PRKG1: variants seen among roughly 807,000 people sequenced by gnomAD.
The protein encoded by PRKG1 is protein kinase cGMP-dependent 1.
Under a neutral mutation model 88.1 loss-of-function variants are expected in PRKG1, and 35 were observed. The observed-to-expected ratio is 0.40, with a 90% CI of 0.30 to 0.53. The LOEUF (loss-of-function observed/expected upper bound fraction) is 0.53, where lower values mean the gene tolerates loss of function less well. Ranked by LOEUF, PRKG1 falls within the 20% of genes least tolerant of loss-of-function variation. The pLI, the probability that PRKG1 is intolerant of heterozygous loss-of-function variation, is 0.59. For synonymous variants in PRKG1, 303 were observed against 292.5 expected, an observed-to-expected ratio of 1.04 and a Z score of -0.37; for missense variants, 540 against 839.8, an observed-to-expected ratio of 0.64 and a Z score of 4.41.
intron 2 of PRKG1, among the ~76,000 whole-genome samples, chr10:51,209,449 A>G (rs1187077174): frequency 3.3e-5 from 5 of 152,184 alleles, no homozygotes; most frequent in Non-Finnish European, 7.4e-5. Context: ...GTAAAATAAT[A>G]TAATGTGTAA....
At chr10:52,107,405 A>T (rs1847452598) in intron 7 of PRKG1, among the ~76,000 whole-genome samples, 1 of 152,156 alleles carries the variant, frequency 6.6e-6, no homozygotes, top group Non-Finnish European at 1.5e-5. Context: ...TAAATTATTA[A>T]TTTAAATATT....
At chr10:52,283,183 G>T (rs1242268180) in intron 14 of PRKG1, among the ~76,000 whole-genome samples, 1 of 152,110 alleles carries the variant, frequency 6.6e-6, no homozygotes. Flanking sequence ...AGTGATGTGT[G>T]TTGTGGTATT....
At chr10:51,575,515 T>G (rs1021311430) in intron 3 of PRKG1, among the ~76,000 whole-genome samples, 1 of 152,002 alleles carries the variant, frequency 6.6e-6, no homozygotes, top group Non-Finnish European at 1.5e-5. Flanking sequence ...TGGGTTGATT[T>G]AACTTCATCG....
At chr10:51,008,200 T>C (rs1167256915) in intron 1 of PRKG1, among the ~76,000 whole-genome samples, 1 of 152,222 alleles carries the variant, frequency 6.6e-6, no homozygotes, top group Non-Finnish European at 1.5e-5. Flanking sequence ...TGAAGACTCC[T>C]AGGCCCATCT....
intron 3 of PRKG1, among the ~76,000 whole-genome samples, chr10:51,768,173 A>G (rs946210818): frequency 6.6e-6 from 1 of 152,150 alleles, no homozygotes; most frequent in East Asian, 1.9e-4. Flanking sequence ...CAGGGGAAAA[A>G]TATCAGATTT....
chr10:52,099,481 A>G (rs1847247628), intron 7 of PRKG1, among the ~76,000 whole-genome samples: 1 of 152,208 alleles, frequency 6.6e-6, no homozygotes, highest in Non-Finnish European at 1.5e-5. Context: ...TATGTCACAC[A>G]GTATTTTGAC....
intron 3 of PRKG1, among the ~76,000 whole-genome samples, chr10:51,788,818 C>A (rs1838794955): frequency 6.6e-6 from 1 of 152,100 alleles, no homozygotes; most frequent in Non-Finnish European, 1.5e-5. Context: ...GTGAGCTCTG[C>A]AGGAGAGTTA....
chr10:51,609,829 G>T (rs148425629), intron 3 of PRKG1, among the ~76,000 whole-genome samples: 48 of 152,144 alleles, frequency 3.2e-4, no homozygotes, highest in African/African-American at 1.1e-3. Context: ...ACACACTGGG[G>T]CCTGTCAGGG....
chr10:51,884,375 G>A (rs1841512828), intron 4 of PRKG1, among the ~76,000 whole-genome samples: 1 of 139,136 alleles, frequency 7.2e-6, no homozygotes, highest in Non-Finnish European at 1.5e-5. Flanking sequence ...AACCCGGGAG[G>A]CGGAGCTTGC....
intron 5 of PRKG1, among the ~76,000 whole-genome samples, chr10:52,025,460 G>T (rs1461498906): frequency 6.6e-6 from 1 of 152,076 alleles, no homozygotes; most frequent in Non-Finnish European, 1.5e-5. Context: ...ATGGCTTTAG[G>T]TCTAACATTT....
chr10:51,916,240 A>G (rs2132967554), intron 5 of PRKG1, among the ~76,000 whole-genome samples: 1 of 152,306 alleles, frequency 6.6e-6, no homozygotes, highest in Admixed American at 6.5e-5. Flanking sequence ...GACCTTGCTA[A>G]TAAAACAGGT....
chr10:51,790,522 G>A (rs1414697725), intron 3 of PRKG1, among the ~76,000 whole-genome samples: 1 of 152,088 alleles, frequency 6.6e-6, no homozygotes, highest in Admixed American at 6.6e-5. Context: ...ACATACTCCT[G>A]TATGGTGAAG....
chr10:51,189,039 A>G (rs1044595964), intron 2 of PRKG1, among the ~76,000 whole-genome samples: 2 of 151,858 alleles, frequency 1.3e-5, no homozygotes, highest in South Asian at 2.1e-4. Context: ...TAAGAAAGTC[A>G]TAACCTATTG....
At chr10:51,278,988 T>TTCTGC (rs1346752870) in intron 2 of PRKG1, among the ~76,000 whole-genome samples, 1 of 152,196 alleles carries the variant, frequency 6.6e-6, no homozygotes, top group African/African-American at 2.4e-5. Flanking sequence ...ATTTCTTGCC[T>TTCTGC]TCTGCTAGCT....
At chr10:51,263,280 G>A (rs1035333499) in intron 2 of PRKG1, among the ~76,000 whole-genome samples, 1 of 152,090 alleles carries the variant, frequency 6.6e-6, no homozygotes, top group Admixed American at 6.5e-5. Context: ...AAAATTTCTT[G>A]ATTTTCAAGT....
intron 2 of PRKG1, among the ~76,000 whole-genome samples, chr10:51,205,127 C>CTTTCTTTTTTGTTTTTTTT (rs1433048297): frequency 1.6e-5 from 1 of 64,030 alleles, no homozygotes; most frequent in Non-Finnish European, 3.0e-5. Context: ...ATTTTCTTTT[C>CTTTCTTTTTTGTTTTTTTT]TTTTTTTTTT....
At chr10:51,826,852 G>A (rs1839892824) in intron 4 of PRKG1, among the ~76,000 whole-genome samples, 1 of 152,124 alleles carries the variant, frequency 6.6e-6, no homozygotes, top group Non-Finnish European at 1.5e-5. Context: ...TAGCACAATA[G>A]ACAAGATGTG....
chr10:51,669,374 T>C (rs181835864), intron 3 of PRKG1, among the ~76,000 whole-genome samples: 7 of 152,332 alleles, frequency 4.6e-5, no homozygotes, highest in African/African-American at 1.7e-4. Flanking sequence ...CAGAGCTCCA[T>C]TCTAATGACC....
intron 3 of PRKG1, among the ~76,000 whole-genome samples, chr10:51,703,103 G>T (rs1480534312): frequency 6.6e-6 from 1 of 152,094 alleles, no homozygotes; most frequent in Non-Finnish European, 1.5e-5. Flanking sequence ...TTTTAACAAA[G>T]AACAGGATTA....
Sources: gnomAD v4.1 joint callset for allele counts (sites outside exome capture counted in the v4.1 genomes callset) on GRCh38, gnomAD v4.1.1 for gene constraint, MANE v1.5 for transcripts, NCBI Gene and HGNC (gene_info 2026-07-23, HGNC 2026-07-21) for gene names.